Variants in CNOT10 observed in about 807,000 individuals in gnomAD.
CNOT10 encodes the protein CCR4-NOT transcription complex, subunit 10.
Under a neutral mutation model 94.6 loss-of-function variants are expected in CNOT10, and 30 were observed. The ratio of observed to expected loss-of-function variants is 0.32; its 90% CI spans 0.24 to 0.43. The LOEUF (loss-of-function observed/expected upper bound fraction) is 0.43. CNOT10 is among the 20% of genes least tolerant of loss of function. The probability of loss-of-function intolerance (pLI) is 1.00; values close to 1 mark genes in which losing one functional copy is unlikely to be tolerated. For missense variants in CNOT10, 759 were observed against 877.2 expected (o/e 0.87, Z 1.70); for synonymous variants, 289 against 301.6 (o/e 0.96, Z 0.43).
intron 13 of CNOT10, chr3:32,752,900 G>T: frequency 2.7e-6 from 1 of 372,326 alleles, no homozygotes; most frequent in South Asian, 2.5e-5. Flanking sequence ...CAGCAGCAGT[G>T]ACTACGAGGA....
At position 32,685,402 on chromosome 3, in the gene CNOT10, C is replaced by G. The variant is rs912872342; in HGVS notation, c.-59C>G. 3.9e-5 allele frequency: 61 copies of G among 1,546,288 alleles called. No homozygotes were observed. The Middle Eastern group carries it at 5.0e-4, about 13-fold the overall frequency. On this transcript the variant is annotated 5_prime_UTR_variant, in exon 1 of 19. Coordinates refer to ENST00000328834, the MANE Select transcript of CNOT10 (RefSeq NM_015442.3). ...CGGAGGTCCAGGACAGCGGCCAGCC[C>G]GGCGGCGGGAGTCAGGGCCACGCCA...
chr3:32,695,802 G>A (rs1438820290), intron 1 of CNOT10: 1 of 1,535,854 alleles, frequency 6.5e-7, no homozygotes, highest in East Asian at 2.4e-5. Flanking sequence ...AAGAAATGCT[G>A]TGGGATTATG....
chr3:32,733,784 A>G (rs1699060886), intron 11 of CNOT10, among the ~76,000 whole-genome samples: 1 of 152,154 alleles, frequency 6.6e-6, no homozygotes, highest in African/African-American at 2.4e-5. Flanking sequence ...AGGAAACCCT[A>G]GTCTGTTCAG....
At chr3:32,730,939 A>G (rs1698914485) in intron 10 of CNOT10, 2 of 152,140 alleles carry the variant, frequency 1.3e-5, no homozygotes, top group South Asian at 4.1e-4. Context: ...CGGTGCTTGA[A>G]GGTATGGATT....
Position 32,700,107 on chromosome 3 carries a change from C to G in CNOT10, c.23-3761C>G, listed in dbSNP as rs187759274. On this transcript the variant is annotated intron_variant, in intron 1 of 18. Transcript: ENST00000328834. The stretch of plus-strand genomic sequence containing the variant: ...TCTTCTGCTCCAGCCTCCCAAGTAG[C>G]TGAGACTGCAGGCATGCACCACCAT... Among the ~76,000 whole-genome samples the G allele has an allele frequency of 7.6e-3, 1,156 of 151,696 alleles. 21 individuals carry two copies. The highest frequency in any genetic ancestry group is 0.027 in the African/African-American group (1,097 of 41,326).
chr3:32,767,226 G>A (rs1262103100), intron 17 of CNOT10, among the ~76,000 whole-genome samples: 1 of 152,108 alleles, frequency 6.6e-6, no homozygotes, highest in East Asian at 1.9e-4. Context: ...TCAGGAGATA[G>A]GGTGGCTTTC....
chr3:32,728,493 G>C, intron 10 of CNOT10, among the ~76,000 whole-genome samples: 1 of 151,934 alleles, frequency 6.6e-6, no homozygotes, highest in South Asian at 2.1e-4. Flanking sequence ...AGCGCCTGTA[G>C]TCCCAGCTAT....
intron 12 of CNOT10, among the ~76,000 whole-genome samples, chr3:32,735,836 T>C (rs1699163431): frequency 6.6e-6 from 1 of 152,110 alleles, no homozygotes; most frequent in Non-Finnish European, 1.5e-5. Context: ...ATATTTCTGG[T>C]TTTCTAGTAT....
At chr3:32,770,100 A>G in intron 18 of CNOT10, 138 bp downstream of exon 18, 3 of 633,202 alleles carry the variant, frequency 4.7e-6, no homozygotes, top group Non-Finnish European at 8.4e-6. Flanking sequence ...CCAAACTCCT[A>G]GGCTCAAGCA....
intron 6 of CNOT10, among the ~76,000 whole-genome samples, chr3:32,716,517 A>G (rs1339117600): frequency 3.3e-5 from 5 of 152,244 alleles, no homozygotes; most frequent in Admixed American, 6.5e-5. Context: ...AAATTGCTCT[A>G]TAAATAAAGT....
At chr3:32,721,523 C>T (rs1698409371) in intron 8 of CNOT10, among the ~76,000 whole-genome samples, 1 of 142,164 alleles carries the variant, frequency 7.0e-6, no homozygotes, top group African/African-American at 2.6e-5. Flanking sequence ...CTTTTTTCTG[C>T]CATAAAGCCA....
intron 18 of CNOT10, among the ~76,000 whole-genome samples, chr3:32,770,328 T>G (rs1349862165): frequency 7.2e-6 from 1 of 138,546 alleles, no homozygotes; most frequent in African/African-American, 2.7e-5. Flanking sequence ...TTTTTTTTTT[T>G]TTTTTTTTTT....
chr3:32,773,160 C>T (rs969202625), intron 18 of CNOT10, among the ~76,000 whole-genome samples: 3 of 152,226 alleles, frequency 2.0e-5, no homozygotes, highest in African/African-American at 7.2e-5. Context: ...AACCAACCCT[C>T]CCAGATGATT....
intron 13 of CNOT10, among the ~76,000 whole-genome samples, chr3:32,756,069 C>T (rs1291034375): frequency 6.6e-6 from 1 of 152,028 alleles, no homozygotes; most frequent in Admixed American, 6.6e-5. Context: ...GTGCTTCTAG[C>T]GTTAGCAGTC....
chr3:32,705,524 G>A (rs1300770875), intron 3 of CNOT10, among the ~76,000 whole-genome samples: 1 of 152,094 alleles, frequency 6.6e-6, no homozygotes, highest in African/African-American at 2.4e-5. Flanking sequence ...GTGTGACAGG[G>A]CTCTGCCAAG....
intron 17 of CNOT10, among the ~76,000 whole-genome samples, chr3:32,767,348 A>G (rs930572198): frequency 2.0e-5 from 3 of 152,030 alleles, no homozygotes; most frequent in Non-Finnish European, 2.9e-5. Context: ...GAGAAATCCT[A>G]TCTCTACTAA....
intron 1 of CNOT10, among the ~76,000 whole-genome samples, chr3:32,689,805 AT>A (rs771132075): frequency 2.0e-5 from 3 of 152,148 alleles, no homozygotes; most frequent in Non-Finnish European, 4.4e-5. Context: ...ATAAAAAAAA[AT>A]TAGCTAGGCA....
intron 1 of CNOT10, among the ~76,000 whole-genome samples, chr3:32,688,957 G>A (rs1696738862): frequency 6.6e-6 from 1 of 152,166 alleles, no homozygotes. Context: ...TGTAATCCCA[G>A]CACTTTGGGA....
intron 14 of CNOT10, among the ~76,000 whole-genome samples, chr3:32,761,463 A>T (rs1284567235): frequency 6.6e-6 from 1 of 152,048 alleles, no homozygotes; most frequent in Non-Finnish European, 1.5e-5. Flanking sequence ...CACAATCTCA[A>T]CTCACTGCAA....
Sources: allele counts gnomAD v4.1 joint callset (sites outside exome capture counted in the v4.1 genomes callset), GRCh38; gene constraint gnomAD v4.1.1; transcripts MANE v1.5; gene names NCBI Gene and HGNC (gene_info 2026-07-23, HGNC 2026-07-21).